CSMD1: variants seen among roughly 807,000 people sequenced by gnomAD.
CSMD1 encodes the protein CUB and sushi domain-containing protein 1.
Under a neutral mutation model 417.5 loss-of-function variants are expected in CSMD1, and 213 were observed. The ratio of observed to expected loss-of-function variants is 0.51; its 90% CI spans 0.46 to 0.57. The LOEUF (loss-of-function observed/expected upper bound fraction) is 0.57, where lower values mean the gene tolerates loss of function less well. Among genes scored for constraint, CSMD1 ranks in the 20% least tolerant of loss-of-function variants. CSMD1 has a pLI of 0.00. For missense variants in CSMD1, 6,923 were observed against 4,529.7 expected (o/e 1.53, Z -15.17); for synonymous variants, 2,862 against 1,736.8 (o/e 1.65, Z -16.11).
Position 3,801,184 on chromosome 8 carries a change from G to T in CSMD1, c.819-47142C>A, listed in dbSNP as rs563871218. Among the ~76,000 whole-genome samples, 3 of 151,524 alleles carry T rather than the reference G, an allele frequency of 2.0e-5. No homozygotes were observed. In the South Asian group the frequency reaches 6.3e-4, roughly 32 times the overall value. On this transcript the variant is annotated intron_variant, in intron 5 of 69. Transcript: ENST00000635120. ...ACCAAGAAAAGATAGTCCACATAAT[G>T]AGAGAAAATATTTGCAAATACTACA...
chr8:3,762,766 G>C (rs1051085917), intron 5 of CSMD1, among the ~76,000 whole-genome samples: 14 of 152,214 alleles, frequency 9.2e-5, no homozygotes, highest in South Asian at 8.3e-4. Flanking sequence ...TTCCCAGAGA[G>C]AGAAAGAGTT....
At chr8:3,616,940 C>G (rs555371888) in intron 7 of CSMD1, 143 bp from the exon 8 acceptor site, 3 of 511,554 alleles carry the variant, frequency 5.9e-6, no homozygotes, top group African/African-American at 3.9e-5. Flanking sequence ...ACCTTAAATA[C>G]ATTCAAATAA....
intron 1 of CSMD1, among the ~76,000 whole-genome samples, chr8:4,955,411 T>G (rs183536798): frequency 1.6e-4 from 25 of 152,108 alleles, no homozygotes; most frequent in Admixed American, 5.9e-4. Context: ...ATGCCTACTG[T>G]GTCTGTTTGG....
chr8:3,832,783 C>G (rs1220250189), intron 5 of CSMD1, among the ~76,000 whole-genome samples: 1 of 152,004 alleles, frequency 6.6e-6, no homozygotes, highest in African/African-American at 2.4e-5. Context: ...TCCATCTGAT[C>G]CAGATTAGAA....
chr8:3,802,896 T>C (rs1720443035), intron 5 of CSMD1, among the ~76,000 whole-genome samples: 1 of 152,084 alleles, frequency 6.6e-6, no homozygotes, highest in African/African-American at 2.4e-5. Context: ...TAGTTTGATT[T>C]GACAAAGGAA....
chr8:4,830,663 T>A lies in CSMD1; in HGVS notation c.85+163669A>T, dbSNP rs1295539476. ...TTATTGCTAAGAGGTCACAGAAAAA[T>A]CCACTTAATGCATGCCAACTAATGC... On this transcript the variant is annotated intron_variant, in intron 1 of 69. Coordinates refer to ENST00000635120, the MANE Select transcript of CSMD1 (RefSeq NM_033225.6). Among the ~76,000 whole-genome samples the A allele has an allele frequency of 2.0e-5, 3 of 152,130 alleles. No homozygotes were observed. The East Asian group carries it at 5.8e-4, about 29-fold the overall frequency.
chr8:3,992,172 G>GAT (rs1272386815), intron 5 of CSMD1, among the ~76,000 whole-genome samples: 1 of 150,622 alleles, frequency 6.6e-6, no homozygotes, highest in Non-Finnish European at 1.5e-5. Flanking sequence ...TTTATTGTTA[G>GAT]ATATATATAA....
At chr8:3,396,104 A>C (rs2116853325) in intron 17 of CSMD1, 90 bp downstream of exon 17, 1 of 1,092,058 alleles carries the variant, frequency 9.2e-7, no homozygotes, top group Non-Finnish European at 1.3e-6. Flanking sequence ...AAACTAGCAC[A>C]GTCATCTGCA....
intron 1 of CSMD1, among the ~76,000 whole-genome samples, chr8:4,684,094 A>G (rs1806219626): frequency 6.6e-6 from 1 of 152,228 alleles, no homozygotes. Context: ...GGAATTTTGT[A>G]CAAGTGAAAA....
chr8:3,692,886 A>T (rs1800329818), intron 7 of CSMD1, among the ~76,000 whole-genome samples: 1 of 152,216 alleles, frequency 6.6e-6, no homozygotes, highest in South Asian at 2.1e-4. Flanking sequence ...TGGTACTTTG[A>T]TCTTTATATC....
chr8:3,265,593 A>T (rs1801375484), intron 26 of CSMD1, among the ~76,000 whole-genome samples: 1 of 152,194 alleles, frequency 6.6e-6, no homozygotes, highest in South Asian at 2.1e-4. Context: ...GCAAAGAAAT[A>T]ATCTGTCAGG....
intron 23 of CSMD1, among the ~76,000 whole-genome samples, chr8:3,313,019 G>T (rs1019693068): frequency 1.2e-4 from 19 of 152,174 alleles, no homozygotes; most frequent in African/African-American, 4.1e-4. Flanking sequence ...GGTAAAATAA[G>T]TTGATGTGTA....
At chr8:3,923,398 G>C (rs1809418166) in intron 5 of CSMD1, among the ~76,000 whole-genome samples, 1 of 152,010 alleles carries the variant, frequency 6.6e-6, no homozygotes, top group Admixed American at 6.5e-5. Context: ...TATATCATTT[G>C]CTTATTTTGT....
At chr8:4,443,827 G>C (rs1048114656) in intron 2 of CSMD1, among the ~76,000 whole-genome samples, 8 of 152,194 alleles carry the variant, frequency 5.3e-5, no homozygotes, top group African/African-American at 1.9e-4. Flanking sequence ...GGTGATCACA[G>C]TGTTAGTAAC....
intron 6 of CSMD1, among the ~76,000 whole-genome samples, chr8:3,728,758 T>C (rs1028828977): frequency 1.3e-5 from 2 of 152,208 alleles, no homozygotes; most frequent in African/African-American, 2.4e-5. Flanking sequence ...GGAGCTGAAC[T>C]ATTAATACAT....
At chr8:4,814,449 G>T (rs58024148) in intron 1 of CSMD1, among the ~76,000 whole-genome samples, 1 of 152,258 alleles carries the variant, frequency 6.6e-6, no homozygotes, top group African/African-American at 2.4e-5. Flanking sequence ...GTTTCACCAT[G>T]TTGGCCAAGG....
chr8:3,343,430 A>T lies in CSMD1; in HGVS notation c.3495T>A (p.Ser1165Arg). The change falls in exon 23 of 70, where the codon AGT becomes AGA. Residue 1165 changes from serine (S) to arginine (R), a missense_variant. Physicochemically the swap from Ser to Arg is moderately radical, Grantham distance 110. Transcript: ENST00000635120. ...DTLKVYDGKD[S>R]SSRPLGTFTK... is the part of the protein sequence containing the mutation. The stretch of plus-strand genomic sequence containing the variant: ...TGAACGTGCCCAGTGGACGTGAGGA[A>T]CTGTCTTTTCCATCATATACCTGAT... 6.2e-7 allele frequency: 1 copy of T among 1,613,738 alleles called. No individual in the cohort carries two copies. Among genetic ancestry groups the T allele is most frequent in the Non-Finnish European group, 8.5e-7 (1 of 1,179,732 alleles).
intron 5 of CSMD1, among the ~76,000 whole-genome samples, chr8:3,880,338 G>C (rs1048471027): frequency 6.6e-6 from 1 of 152,084 alleles, no homozygotes; most frequent in African/African-American, 2.4e-5. Flanking sequence ...CTGCATCGTT[G>C]TTCTTTATTG....
chr8:4,020,178 G>C (rs1263342388), intron 4 of CSMD1, among the ~76,000 whole-genome samples: 1 of 152,086 alleles, frequency 6.6e-6, no homozygotes, highest in Non-Finnish European at 1.5e-5. Context: ...GATTTCTCAA[G>C]TAGGCACTTT....
Sources: gnomAD v4.1 joint callset for allele counts (sites outside exome capture counted in the v4.1 genomes callset) on GRCh38, gnomAD v4.1.1 for gene constraint, MANE v1.5 for transcripts, NCBI Gene and HGNC (gene_info 2026-07-23, HGNC 2026-07-21) for gene names.